Variants in HEG1 observed in about 807,000 individuals in gnomAD.
The protein encoded by HEG1 is protein HEG homolog 1.
HEG1 carries 56 observed loss-of-function variants against 125.6 expected under a neutral mutation model. That is an observed-to-expected ratio of 0.45 (90% confidence interval 0.36 to 0.56). The LOEUF is 0.56. HEG1 is among the 20% of genes least tolerant of loss of function. The pLI is 0.00. For synonymous variants in HEG1, 644 were observed against 668.5 expected, an observed-to-expected ratio of 0.96 and a Z score of 0.57; for missense variants, 1,523 against 1,670.0, an observed-to-expected ratio of 0.91 and a Z score of 1.53.
At position 124,967,076 on chromosome 3, in the gene HEG1, C is replaced by A. The variant is rs961742723; in HGVS notation, c.*3576G>T. 1.5e-4 allele frequency: 23 copies of A among 152,236 alleles called. No individual in the cohort carries two copies. The allele number at this position is 152,236 out of a possible 1,614,324, so 9.4% of individuals were successfully genotyped here. A position where few individuals can be genotyped will look rare whatever the true frequency, so the allele number is the denominator to read the frequency against. On this transcript the variant is annotated 3_prime_UTR_variant, in exon 17 of 17. Transcript: ENST00000311127. ...GATGCCATCAGCCAACTTGACTGAA[C>A]CACCTATCAGCAATTTTGGCTCTAA... is the stretch of plus-strand genomic sequence containing the variant.
chr3:124,987,368 A>G (rs1359765432), intron 14 of HEG1, among the ~76,000 whole-genome samples: 1 of 146,542 alleles, frequency 6.8e-6, no homozygotes, highest in Non-Finnish European at 1.5e-5. Flanking sequence ...ACACGTGAAC[A>G]GGGTGGCCAC....
chr3:125,046,692 C>T (rs376453944), intron 1 of HEG1, among the ~76,000 whole-genome samples: 1 of 152,162 alleles, frequency 6.6e-6, no homozygotes, highest in Admixed American at 6.5e-5. Flanking sequence ...ACTTCAAAGA[C>T]GATCTGATGA....
At chr3:124,997,969 G>T in intron 11 of HEG1, 146 bp from the exon 12 acceptor site, 3 of 842,048 alleles carry the variant, frequency 3.6e-6, no homozygotes, top group Non-Finnish European at 5.2e-6. Flanking sequence ...TCTCCACAGA[G>T]CAACACTCCT....
intron 3 of HEG1, among the ~76,000 whole-genome samples, chr3:125,021,831 C>T (rs1379492342): frequency 1.3e-5 from 2 of 152,240 alleles, no homozygotes; most frequent in East Asian, 1.9e-4. Context: ...TTTAATTCCA[C>T]CCAAAAGCAA....
chr3:125,026,742 G>T (rs1937421235), intron 3 of HEG1, among the ~76,000 whole-genome samples: 1 of 152,188 alleles, frequency 6.6e-6, no homozygotes, highest in Admixed American at 6.5e-5. Context: ...GCTCATGCCT[G>T]TAATCCCAGC....
chr3:124,991,026 C>T (rs770600361), intron 12 of HEG1, 40 bp from the exon 13 acceptor site: 9 of 1,501,466 alleles, frequency 6.0e-6, no homozygotes, highest in Non-Finnish European at 8.1e-6. Context: ...TGTCTATTTA[C>T]CTCTCCCAAA....
intron 1 of HEG1, among the ~76,000 whole-genome samples, chr3:125,054,015 C>G (rs1354754494): frequency 2.0e-5 from 3 of 152,264 alleles, no homozygotes; most frequent in African/African-American, 7.2e-5. Flanking sequence ...AGCCTGACTA[C>G]TACCCAGAGA....
chr3:124,998,432 G>A (rs946609139), intron 11 of HEG1, among the ~76,000 whole-genome samples: 9 of 152,192 alleles, frequency 5.9e-5, no homozygotes, highest in African/African-American at 2.2e-4. Flanking sequence ...GCCCCGGGCT[G>A]TAGTGTAATT....
chr3:125,022,704 T>C (rs116429869), intron 3 of HEG1, among the ~76,000 whole-genome samples: 1 of 144,222 alleles, frequency 6.9e-6, no homozygotes, highest in Admixed American at 6.7e-5. Context: ...AAGAAATAAA[T>C]AAATAAAAAG....
At chr3:125,042,134 A>G (rs1937598322) in intron 1 of HEG1, among the ~76,000 whole-genome samples, 1 of 152,240 alleles carries the variant, frequency 6.6e-6, no homozygotes, top group Non-Finnish European at 1.5e-5. Flanking sequence ...TAAGAAATGT[A>G]TGTATTTACT....
At chr3:124,978,802 A>AAAATAAATAAATAAATAAAT (rs10673332) in intron 14 of HEG1, among the ~76,000 whole-genome samples, 3 of 140,044 alleles carry the variant, frequency 2.1e-5, no homozygotes, top group South Asian at 2.3e-4. Flanking sequence ...CTCTGTCTCA[A>AAAATAAATAAATAAATAAAT]AAATAAATAA....
intron 4 of HEG1, among the ~76,000 whole-genome samples, chr3:125,020,474 C>G (rs1937318222): frequency 6.6e-6 from 1 of 152,012 alleles, no homozygotes; most frequent in Non-Finnish European, 1.5e-5. Flanking sequence ...GCTTGAAGAC[C>G]ATCCTGTAGA....
intron 14 of HEG1, among the ~76,000 whole-genome samples, chr3:124,986,338 C>T (rs753263690): frequency 7.2e-5 from 11 of 152,126 alleles, no homozygotes; most frequent in Non-Finnish European, 1.3e-4. Context: ...CAGGAAGGCC[C>T]CTGCTGTCTT....
At position 125,029,342 on chromosome 3, in the gene HEG1, C is replaced by T; in HGVS notation, c.463G>A (p.Asp155Asn). The T allele has an allele frequency of 6.2e-7, 1 of 1,613,994 alleles. No homozygotes were observed. The highest frequency in any genetic ancestry group is 8.5e-7 in the Non-Finnish European group (1 of 1,179,892). ...QTSGKSHAAS[D>N]APENLTLLAE... is the part of the protein sequence containing the mutation. ...AGTAGAGTGAGGTTTTCTGGAGCATCCGAAGCAGCATGGCTCTTCCCAGAG... is the reference window on the plus strand; with the variant it reads ...AGTAGAGTGAGGTTTTCTGGAGCATTCGAAGCAGCATGGCTCTTCCCAGAG... Residue 155 changes from aspartate to asparagine, a missense_variant, in exon 2 of 17, where the codon GAT becomes AAT. Asp to Asn is a conservative substitution (Grantham distance 23). Coordinates refer to ENST00000311127, the MANE Select transcript of HEG1 (RefSeq NM_020733.2).
chr3:125,041,666 A>C (rs1422611600), intron 1 of HEG1, among the ~76,000 whole-genome samples: 1 of 152,230 alleles, frequency 6.6e-6, no homozygotes, highest in East Asian at 1.9e-4. Context: ...TAGCAGGATT[A>C]TTCACAACAG....
At chr3:125,006,097 G>A (rs918122046) in intron 8 of HEG1, among the ~76,000 whole-genome samples, 3 of 152,260 alleles carry the variant, frequency 2.0e-5, no homozygotes, top group Non-Finnish European at 4.4e-5. Context: ...TGAGGAATCT[G>A]ATATCCTAAG....
Position 124,970,781 on chromosome 3 carries a change from T to C in HEG1, c.4017A>G (p.Pro1339=). 6.2e-7 allele frequency: 1 copy of C among 1,610,052 alleles called. No individual in the cohort carries two copies. Among genetic ancestry groups the C allele is most frequent in the Non-Finnish European group, 8.5e-7 (1 of 1,178,200 alleles). ...VYYSPTSVRN[P]ELERNGLYPA... ...GGTAGAGTCCGTTTCGTTCAAGTTC[T>C]GGATTCCTTACACTTGTAGGCTGGT... Residue 1339 remains proline (P), a synonymous_variant, in exon 17 of 17, where the codon CCA becomes CCG. Transcript: ENST00000311127.
chr3:125,033,303 G>T (rs933042278), intron 1 of HEG1, among the ~76,000 whole-genome samples: 9 of 152,150 alleles, frequency 5.9e-5, no homozygotes, highest in African/African-American at 1.7e-4. Flanking sequence ...TTCAACATTT[G>T]TGACCTTGAA....
In HEG1 at chr3:124,969,657, C is replaced by T. The variant is rs1191340235; in HGVS notation, c.*995G>A. 2 of 152,172 alleles carry T rather than the reference C, an allele frequency of 1.3e-5. No homozygotes were observed. The highest frequency in any genetic ancestry group is 3.8e-4 in the East Asian group (2 of 5,198). The allele number at this position is 152,172 out of a possible 1,614,324, so 9.4% of individuals were successfully genotyped here. A position where few individuals can be genotyped will look rare whatever the true frequency, so the allele number is the denominator to read the frequency against. ...AGCACTGTTGATGCAGGAAATCTAACCTGCCTATTCAGCCCATCCCTCTAA... is the reference window on the plus strand; with the variant it reads ...AGCACTGTTGATGCAGGAAATCTAATCTGCCTATTCAGCCCATCCCTCTAA... On this transcript the variant is annotated 3_prime_UTR_variant, in exon 17 of 17. Transcript: ENST00000311127.
Sources: allele counts gnomAD v4.1 joint callset (sites outside exome capture counted in the v4.1 genomes callset), GRCh38; gene constraint gnomAD v4.1.1; transcripts MANE v1.5; gene names NCBI Gene and HGNC (gene_info 2026-07-23, HGNC 2026-07-21).